Variants in DPP6 observed in about 807,000 individuals in gnomAD.
The protein encoded by DPP6 is dipeptidyl peptidase like 6.
A neutral mutation model predicts 122.6 loss-of-function variants in DPP6; 69 were observed. The ratio of observed to expected loss-of-function variants is 0.56; its 90% CI spans 0.46 to 0.69. The LOEUF is 0.69. Ranked by LOEUF, DPP6 falls within the 30% of genes least tolerant of loss-of-function variation. The probability of loss-of-function intolerance (pLI) is 0.00; values close to 1 mark genes in which losing one functional copy is unlikely to be tolerated. For synonymous variants in DPP6, 418 were observed against 433.1 expected (o/e 0.97, Z 0.43); for missense variants, 928 against 1,116.9 (o/e 0.83, Z 2.41).
intron 5 of DPP6, among the ~76,000 whole-genome samples, chr7:154,623,423 G>A (rs187120624): frequency 3.9e-5 from 6 of 152,212 alleles, no homozygotes; most frequent in East Asian, 3.9e-4. Context: ...TTGCTGCGTC[G>A]GGAACCTCTT....
chr7:154,885,486 C>G (rs1422281517), intron 21 of DPP6, 147 bp from the exon 22 acceptor site: 1 of 1,155,168 alleles, frequency 8.7e-7, no homozygotes, highest in Non-Finnish European at 1.2e-6. Flanking sequence ...GTTACTGCCC[C>G]GTGAACAACT....
chr7:154,783,212 G>C (rs531554391), intron 10 of DPP6, among the ~76,000 whole-genome samples: 1 of 152,082 alleles, frequency 6.6e-6, no homozygotes, highest in African/African-American at 2.4e-5. Flanking sequence ...CAAAGGCCTC[G>C]CATCCCCATA....
intron 10 of DPP6, among the ~76,000 whole-genome samples, chr7:154,776,663 C>T (rs1035025043): frequency 5.3e-5 from 8 of 152,110 alleles, no homozygotes; most frequent in African/African-American, 1.4e-4. Flanking sequence ...CAAATTTAGC[C>T]GGTAAAATCT....
rs74793628 is a variant in DPP6, at chr7:154,581,067, G to C, written c.627+14151G>C. Among the ~76,000 whole-genome samples the C allele has an allele frequency of 5.3e-3, 803 of 152,090 alleles. 8 individuals carry two copies. Among genetic ancestry groups the C allele is most frequent in the African/African-American group, 0.018 (750 of 41,478 alleles). On this transcript the variant is annotated intron_variant, in intron 5 of 25. Coordinates refer to ENST00000377770, the MANE Select transcript of DPP6 (RefSeq NM_130797.4). Reference sequence around the variant, plus strand: ...CTTGCCCTGCATTCATTTCTTGGAAGTTTTTTAAGTATATAAGAGCCCAGG... The same window carrying C: ...CTTGCCCTGCATTCATTTCTTGGAACTTTTTTAAGTATATAAGAGCCCAGG...
intron 1 of DPP6, among the ~76,000 whole-genome samples, chr7:153,917,341 C>T (rs573105796): frequency 3.9e-5 from 6 of 152,296 alleles, no homozygotes; most frequent in South Asian, 4.1e-4. Flanking sequence ...CTCTTTGCTA[C>T]GTTTTTCCAG....
intron 1 of DPP6, among the ~76,000 whole-genome samples, chr7:154,347,047 T>C (rs7809577): frequency 0.18 from 26,698 of 151,992 alleles, 4,366 homozygotes; most frequent in African/African-American, 0.43. Flanking sequence ...TGCATGCACG[T>C]ACACACACAC....
chr7:154,331,399 T>C (rs1050248756), intron 1 of DPP6, among the ~76,000 whole-genome samples: 1 of 152,178 alleles, frequency 6.6e-6, no homozygotes, highest in South Asian at 2.1e-4. Context: ...GCTGCACTAA[T>C]AGACGGGGGG....
chr7:154,104,577 T>C lies in DPP6; in HGVS notation c.243+51514T>C, dbSNP rs553199885. Among the ~76,000 whole-genome samples, 176 of 152,376 alleles carry C rather than the reference T, an allele frequency of 1.2e-3. 2 individuals carry two copies. Among genetic ancestry groups the C allele is most frequent in the Non-Finnish European group, 1.8e-3 (123 of 68,034 alleles). ...GTGTATTTATTTGGTGGCATGGACA[T>C]GGGACATGTGGTATTTTCTCAGGGA... is the stretch of plus-strand genomic sequence containing the variant. On this transcript the variant is annotated intron_variant, in intron 1 of 25. Coordinates refer to ENST00000377770, the MANE Select transcript of DPP6 (RefSeq NM_130797.4).
intron 4 of DPP6, among the ~76,000 whole-genome samples, chr7:154,541,508 G>A (rs1425192012): frequency 5.3e-5 from 8 of 152,150 alleles, no homozygotes; most frequent in Admixed American, 4.6e-4. Context: ...ATTGACTGGA[G>A]TTATACACCA....
chr7:153,775,935 TG>T, the DPP6 span, among the ~76,000 whole-genome samples: 1 of 152,104 alleles, frequency 6.6e-6, no homozygotes, highest in East Asian at 1.9e-4. Flanking sequence ...GCTAAATCAT[TG>T]GGGGAATATA....
chr7:154,485,051 C>T (rs999868593), intron 3 of DPP6, among the ~76,000 whole-genome samples: 1 of 151,936 alleles, frequency 6.6e-6, no homozygotes, highest in African/African-American at 2.4e-5. Context: ...TTTTTGGAGG[C>T]CACATTTTTC....
At chr7:154,413,952 A>T (rs992095946) in intron 1 of DPP6, among the ~76,000 whole-genome samples, 3 of 152,184 alleles carry the variant, frequency 2.0e-5, no homozygotes, top group Admixed American at 1.3e-4. Context: ...GTAGTATTGA[A>T]CTTTAAAAAA....
At chr7:154,278,794 G>A (rs1804302821) in intron 1 of DPP6, among the ~76,000 whole-genome samples, 1 of 152,174 alleles carries the variant, frequency 6.6e-6, no homozygotes, top group African/African-American at 2.4e-5. Context: ...TCTTGTATGT[G>A]TATGAGTGTA....
intron 16 of DPP6, among the ~76,000 whole-genome samples, chr7:154,818,453 A>G (rs1423469990): frequency 1.3e-5 from 2 of 152,202 alleles, no homozygotes. Context: ...TAAATATTCT[A>G]CTGCTGGTCA....
chr7:154,477,055 G>A (rs35134640), intron 3 of DPP6, among the ~76,000 whole-genome samples: 66,314 of 151,690 alleles, frequency 0.44, 15,611 homozygotes, highest in Non-Finnish European at 0.52. Flanking sequence ...CTCCAACCTG[G>A]GTGACAGAGC....
Position 154,125,447 on chromosome 7 carries a change from A to G in DPP6, c.243+72384A>G, listed in dbSNP as rs576791109. On this transcript the variant is annotated intron_variant, in intron 1 of 25. Coordinates refer to ENST00000377770, the MANE Select transcript of DPP6 (RefSeq NM_130797.4). ...TTAGAGAAGAGCAAAGCTAAGAAAC[A>G]TAATGAAATGATGTGTAAGGATCCT... Among the ~76,000 whole-genome samples the G allele has an allele frequency of 8.5e-5, 13 of 152,360 alleles. No individual in the cohort carries two copies. In the South Asian group the frequency reaches 2.3e-3, roughly 27 times the overall value.
intron 1 of DPP6, among the ~76,000 whole-genome samples, chr7:154,217,099 T>A (rs1800049693): frequency 6.6e-6 from 1 of 152,016 alleles, no homozygotes; most frequent in African/African-American, 2.4e-5. Context: ...TTTTTTTTTT[T>A]AAAGAACTCT....
intron 1 of DPP6, among the ~76,000 whole-genome samples, chr7:154,288,037 G>A (rs1015361227): frequency 4.6e-5 from 7 of 152,166 alleles, no homozygotes; most frequent in African/African-American, 1.2e-4. Context: ...TCCCCCTACC[G>A]AGGGGTGCCC....
At chr7:154,507,892 C>T (rs1240775977) in intron 3 of DPP6, among the ~76,000 whole-genome samples, 1 of 152,132 alleles carries the variant, frequency 6.6e-6, no homozygotes, top group Non-Finnish European at 1.5e-5. Context: ...TGGAGCAACT[C>T]AGAATCAATC....
Sources: gnomAD v4.1 joint callset for allele counts (sites outside exome capture counted in the v4.1 genomes callset) on GRCh38, gnomAD v4.1.1 for gene constraint, MANE v1.5 for transcripts, NCBI Gene and HGNC (gene_info 2026-07-23, HGNC 2026-07-21) for gene names.